The following SNX29 variants were observed in gnomAD, a reference collection of about 807,000 sequenced individuals.
The protein encoded by SNX29 is sorting nexin-29.
A neutral mutation model predicts 102.1 loss-of-function variants in SNX29; 78 were observed. That is an observed-to-expected ratio of 0.76 (90% CI 0.64 to 0.92). The LOEUF is 0.92. Ranked by LOEUF, SNX29 falls within the 40% of genes least tolerant of loss-of-function variation. The pLI is 0.00. For synonymous variants in SNX29, 580 were observed against 414.5 expected, an observed-to-expected ratio of 1.40 and a Z score of -4.85; for missense variants, 1,280 against 1,061.7, an observed-to-expected ratio of 1.21 and a Z score of -2.86.
intron 16 of SNX29, among the ~76,000 whole-genome samples, chr16:12,387,597 T>C (rs919920603): frequency 3.3e-5 from 5 of 152,232 alleles, no homozygotes; most frequent in Admixed American, 3.3e-4. Flanking sequence ...GCCAGCAGGA[T>C]GCTGGGCATT....
At position 11,998,761 on chromosome 16, in the gene SNX29, C is replaced by A. The variant is rs542142040; in HGVS notation, c.8-536C>A. Among the ~76,000 whole-genome samples, 9 of 152,330 alleles carry A rather than the reference C, an allele frequency of 5.9e-5. No homozygotes were observed. In the South Asian group the frequency reaches 1.9e-3, roughly 32 times the overall value. On this transcript the variant is annotated intron_variant, in intron 1 of 20. Transcript: ENST00000566228. ...CATTGGCCAGACTGCTTAAGTTCAA[C>A]CTCAGCTGCTGAGAAGAGGAGTAAT...
intron 15 of SNX29, among the ~76,000 whole-genome samples, chr16:12,351,314 C>T (rs1396304556): frequency 1.3e-5 from 2 of 152,220 alleles, no homozygotes; most frequent in Non-Finnish European, 2.9e-5. Flanking sequence ...AGGCCCCTCC[C>T]CACAACCAGA....
chr16:12,015,373 T>A (rs1201364883), intron 3 of SNX29, among the ~76,000 whole-genome samples: 1 of 152,110 alleles, frequency 6.6e-6, no homozygotes, highest in Non-Finnish European at 1.5e-5. Flanking sequence ...CCGGAGTAGC[T>A]GGGATTACAG....
At chr16:12,148,553 A>T (rs1158126168) in intron 13 of SNX29, among the ~76,000 whole-genome samples, 1 of 152,196 alleles carries the variant, frequency 6.6e-6, no homozygotes, top group African/African-American at 2.4e-5. Flanking sequence ...CTGCATGATT[A>T]GTCCCTCTTA....
chr16:12,163,665 A>C (rs370618915), intron 13 of SNX29, among the ~76,000 whole-genome samples: 1 of 152,132 alleles, frequency 6.6e-6, no homozygotes, highest in East Asian at 1.9e-4. Context: ...CTTGCCCCAC[A>C]TGGGTCTTGG....
chr16:12,231,025 A>AT (rs112825119), intron 14 of SNX29, among the ~76,000 whole-genome samples: 5,871 of 151,882 alleles, frequency 0.039, 411 homozygotes, highest in African/African-American at 0.14. Context: ...TAATTTTAAT[A>AT]TTTTTTTATT....
At chr16:12,420,523 T>C (rs932454586) in intron 18 of SNX29, among the ~76,000 whole-genome samples, 2 of 152,132 alleles carry the variant, frequency 1.3e-5, no homozygotes, top group African/African-American at 4.8e-5. Flanking sequence ...GTGTTTGACA[T>C]GGATTCTCAA....
chr16:12,355,807 T>C (rs2151308316), intron 15 of SNX29, among the ~76,000 whole-genome samples: 1 of 139,726 alleles, frequency 7.2e-6, no homozygotes. Context: ...GTCAGTTCCT[T>C]GTTAGATGTC....
chr16:12,523,250 A>T (rs956749133), intron 19 of SNX29, among the ~76,000 whole-genome samples: 2 of 152,088 alleles, frequency 1.3e-5, no homozygotes, highest in African/African-American at 4.8e-5. Context: ...GCCCCACCTG[A>T]TGTATGGGGC....
chr16:12,193,417 C>T lies in SNX29; in HGVS notation c.1596-6184C>T, dbSNP rs368875863. Among the ~76,000 whole-genome samples, 24 of 147,502 alleles carry T rather than the reference C, an allele frequency of 1.6e-4. No individual in the cohort carries two copies. The South Asian group carries it at 1.9e-3, about 12-fold the overall frequency. On this transcript the variant is annotated intron_variant, in intron 13 of 20. Transcript: ENST00000566228. Reference sequence around the variant, plus strand: ...CCAGGAGGTGAAGGTTGTAGTGAGCCGAGATCGCACCACTGCACTCCAGCC... The same window carrying T: ...CCAGGAGGTGAAGGTTGTAGTGAGCTGAGATCGCACCACTGCACTCCAGCC...
chr16:12,572,941 C>A lies in SNX29; in HGVS notation c.*4312C>A, dbSNP rs1463012667. ...TGGAGTGTTTCTTCAAGGCAGGCAT[C>A]TGCTTATGAGCAAGGTCAAAGATTT... On this transcript the variant is annotated 3_prime_UTR_variant, in exon 21 of 21. Coordinates refer to ENST00000566228, the MANE Select transcript of SNX29 (RefSeq NM_032167.5). 3.9e-6 allele frequency: 3 copies of A among 777,222 alleles called. No individual in the cohort carries two copies. The highest frequency in any genetic ancestry group is 1.8e-5 in the African/African-American group (1 of 54,944). The allele number at this position is 777,222 out of a possible 1,614,324, so 48.1% of individuals were successfully genotyped here.
chr16:12,282,289 C>T (rs2079460316), intron 15 of SNX29, among the ~76,000 whole-genome samples: 1 of 152,080 alleles, frequency 6.6e-6, no homozygotes, highest in South Asian at 2.1e-4. Context: ...TAGTAGATAA[C>T]AGCAACTGCA....
intron 14 of SNX29, among the ~76,000 whole-genome samples, chr16:12,237,808 T>A (rs1442022804): frequency 6.6e-5 from 10 of 152,234 alleles, no homozygotes; most frequent in Non-Finnish European, 1.5e-5. Context: ...CTTGGGAGGC[T>A]GAGGCAGGAG....
chr16:12,057,395 A>G (rs773347033), intron 8 of SNX29, among the ~76,000 whole-genome samples: 15 of 152,272 alleles, frequency 9.9e-5, no homozygotes, highest in Non-Finnish European at 1.9e-4. Flanking sequence ...TGTGGGATGA[A>G]TGAGGCTGCA....
intron 11 of SNX29, among the ~76,000 whole-genome samples, chr16:12,117,649 A>T (rs903152996): frequency 6.6e-6 from 1 of 152,196 alleles, no homozygotes; most frequent in Non-Finnish European, 1.5e-5. Flanking sequence ...AATGGGTAAG[A>T]GGTTTTGCTT....
At chr16:12,011,478 T>C (rs2151057801) in intron 3 of SNX29, among the ~76,000 whole-genome samples, 1 of 152,218 alleles carries the variant, frequency 6.6e-6, no homozygotes, top group East Asian at 1.9e-4. Context: ...TTTAACCATG[T>C]TGGCCAGGCT....
At chr16:12,393,392 T>TGCATG (rs1555527325) in intron 16 of SNX29, among the ~76,000 whole-genome samples, 6 of 141,910 alleles carry the variant, frequency 4.2e-5, no homozygotes, top group Admixed American at 6.9e-5. Flanking sequence ...ATTCATTCAT[T>TGCATG]CATGCATGCA....
chr16:12,544,698 C>T (rs555469229), intron 20 of SNX29, among the ~76,000 whole-genome samples: 12 of 152,336 alleles, frequency 7.9e-5, no homozygotes, highest in African/African-American at 2.6e-4. Flanking sequence ...GAATTCTCTT[C>T]CTCCACCATC....
At chr16:12,538,394 C>A (rs996614173) in intron 20 of SNX29, among the ~76,000 whole-genome samples, 2 of 152,156 alleles carry the variant, frequency 1.3e-5, no homozygotes, top group Non-Finnish European at 2.9e-5. Flanking sequence ...CCGGCCTCCC[C>A]TTGCACTTTT....
Sources: allele counts gnomAD v4.1 joint callset (sites outside exome capture counted in the v4.1 genomes callset), GRCh38; gene constraint gnomAD v4.1.1; transcripts MANE v1.5; gene names NCBI Gene and HGNC (gene_info 2026-07-23, HGNC 2026-07-21).